Variants in TP53BP2 observed in about 807,000 individuals in gnomAD.
TP53BP2 encodes the protein apoptosis-stimulating of p53 protein 2.
In TP53BP2, 62 loss-of-function variants were observed where a neutral mutation model predicts 126.2. That is an observed-to-expected ratio of 0.49 (90% CI 0.40 to 0.61). The LOEUF (loss-of-function observed/expected upper bound fraction) is 0.61, where lower values mean the gene tolerates loss of function less well. Among genes scored for constraint, TP53BP2 ranks in the 20% least tolerant of loss-of-function variants. TP53BP2 has a pLI of 0.00. For synonymous variants in TP53BP2, 485 were observed against 502.9 expected, an observed-to-expected ratio of 0.96 and a Z score of 0.48; for missense variants, 1,215 against 1,402.8, an observed-to-expected ratio of 0.87 and a Z score of 2.14.
rs920579936 is a variant in TP53BP2 at position 223,800,570 on chromosome 1, G to A, written c.1336+130C>T. On this transcript the variant is annotated intron_variant, in intron 10 of 17. Transcript: ENST00000343537. ...CTGCACTCCAGCCTGGATGACAAGAGTGAGATCCTGTCTTTAAAAAAAACA... is the reference window on the plus strand; with the variant it reads ...CTGCACTCCAGCCTGGATGACAAGAATGAGATCCTGTCTTTAAAAAAAACA... 4.1e-5 allele frequency: 26 copies of A among 635,964 alleles called. No homozygotes were observed. In the African/African-American group the frequency reaches 4.8e-4, roughly 12 times the overall value. The allele number at this position is 635,964 out of a possible 1,614,324, so 39.4% of individuals were successfully genotyped here.
At chr1:223,811,847 G>A (rs897128254) in intron 3 of TP53BP2, among the ~76,000 whole-genome samples, 2 of 152,234 alleles carry the variant, frequency 1.3e-5, no homozygotes, top group East Asian at 1.9e-4. Flanking sequence ...TTGTGACAAC[G>A]TGAAAACAGC....
intron 1 of TP53BP2, among the ~76,000 whole-genome samples, chr1:223,824,352 T>C (rs181124053): frequency 6.5e-4 from 99 of 152,350 alleles, no homozygotes; most frequent in Non-Finnish European, 1.0e-3. Context: ...AACACTGGTA[T>C]GAACAGTAAG....
At position 223,784,216 on chromosome 1, in the gene TP53BP2, C is replaced by A; in HGVS notation, c.3262G>T (p.Asp1088Tyr). 1 of 1,614,182 alleles carries A rather than the reference C, an allele frequency of 6.2e-7. No homozygotes were observed. Among genetic ancestry groups the A allele is most frequent in the Non-Finnish European group, 8.5e-7 (1 of 1,180,030 alleles). Residue 1088 changes from aspartate to tyrosine, a missense_variant, in exon 17 of 18, where the codon GAC becomes TAC. Asp to Tyr is a radical substitution (Grantham distance 160). Around this residue, in one of 4 missense-constraint regions of TP53BP2, gnomAD observed 151 missense variants for 231.2 expected, o/e 0.65. Transcript: ENST00000343537. ...NDDELPMKEG[D>Y]CMTIIHREDE... ...TCCCTGTGGATGATTGTCATGCAGT[C>A]TCCTTCTTTCATGGGCAGCTCATCA...
At chr1:223,789,230 TGATAA>T (rs1363031735) in intron 15 of TP53BP2, 56 bp from the exon 16 acceptor site, 2 of 1,577,038 alleles carry the variant, frequency 1.3e-6, no homozygotes, top group East Asian at 2.2e-5. Context: ...TGACACCTGC[TGATAA>T]GATATCTGGA....
At chr1:223,840,252 A>G (rs1172582206) in intron 1 of TP53BP2, among the ~76,000 whole-genome samples, 1 of 152,208 alleles carries the variant, frequency 6.6e-6, no homozygotes, top group Non-Finnish European at 1.5e-5. Context: ...TTGCCCCAAT[A>G]AGACATAGAA....
At chr1:223,809,460 G>A (rs1381590543) in intron 4 of TP53BP2, among the ~76,000 whole-genome samples, 3 of 151,896 alleles carry the variant, frequency 2.0e-5, no homozygotes, top group Non-Finnish European at 4.4e-5. Context: ...CCAGCTACTC[G>A]GGAGGCTGAG....
At chr1:223,806,601 A>G (rs1291627009) in intron 5 of TP53BP2, among the ~76,000 whole-genome samples, 1 of 152,162 alleles carries the variant, frequency 6.6e-6, no homozygotes, top group African/African-American at 2.4e-5. Context: ...AAGTGGGCGG[A>G]TCACCTGAGG....
At chr1:223,816,349 G>C (rs543696097) in intron 2 of TP53BP2, among the ~76,000 whole-genome samples, 1 of 152,242 alleles carries the variant, frequency 6.6e-6, no homozygotes, top group South Asian at 2.1e-4. Flanking sequence ...GAGAAGAAAG[G>C]CTAAACACTT....
chr1:223,793,835 C>T (rs1662227404), intron 13 of TP53BP2, among the ~76,000 whole-genome samples: 1 of 152,146 alleles, frequency 6.6e-6, no homozygotes, highest in Non-Finnish European at 1.5e-5. Flanking sequence ...CAGCAAACTC[C>T]ACTCTCTTAA....
At chr1:223,839,333 A>G (rs1257246825) in intron 1 of TP53BP2, among the ~76,000 whole-genome samples, 1 of 152,206 alleles carries the variant, frequency 6.6e-6, no homozygotes, top group Non-Finnish European at 1.5e-5. Flanking sequence ...CGGGATGACC[A>G]ACCTAAATCA....
intron 6 of TP53BP2, 44 bp downstream of exon 6, chr1:223,804,130 A>G (rs1187100666): frequency 1.3e-6 from 2 of 1,573,896 alleles, no homozygotes; most frequent in Non-Finnish European, 1.7e-6. Context: ...AAAAAACCAG[A>G]CAAATAAATG....
At chr1:223,803,595 T>C (rs1662611106) in intron 6 of TP53BP2, 143 bp from the exon 7 acceptor site, 3 of 590,440 alleles carry the variant, frequency 5.1e-6, no homozygotes, top group Non-Finnish European at 5.5e-6. Context: ...CGACTTCTTT[T>C]AGAAGCAAGT....
At chr1:223,805,718 T>C (rs1483418608) in intron 5 of TP53BP2, among the ~76,000 whole-genome samples, 2 of 152,220 alleles carry the variant, frequency 1.3e-5, no homozygotes, top group African/African-American at 2.4e-5. Context: ...ACTAAAGGAC[T>C]GTTAGTTGTG....
chr1:223,831,492 T>A (rs1331081400), intron 1 of TP53BP2, among the ~76,000 whole-genome samples: 1,087 of 87,492 alleles, frequency 0.012, 43 homozygotes, highest in African/African-American at 0.063. Flanking sequence ...TATATATATA[T>A]ATATATATAT....
chr1:223,811,232 A>G (rs1472206282), intron 3 of TP53BP2, among the ~76,000 whole-genome samples: 4 of 152,182 alleles, frequency 2.6e-5, no homozygotes, highest in Admixed American at 2.6e-4. Flanking sequence ...CTAATACATT[A>G]TAAGAAGCAA....
intron 1 of TP53BP2, among the ~76,000 whole-genome samples, chr1:223,830,979 T>A (rs1663683109): frequency 1.3e-5 from 2 of 151,934 alleles, no homozygotes; most frequent in African/African-American, 4.8e-5. Context: ...GCGCCTGTAG[T>A]CCCAGCTACT....
chr1:223,800,562 T>C lies in TP53BP2; in HGVS notation c.1336+138A>G, dbSNP rs114959863. On this transcript the variant is annotated intron_variant, in intron 10 of 17. Coordinates refer to ENST00000343537, the MANE Select transcript of TP53BP2 (RefSeq NM_001031685.3). ...GCGCACCACTGCACTCCAGCCTGGA[T>C]GACAAGAGTGAGATCCTGTCTTTAA... The C allele has an allele frequency of 3.5e-3, 2,091 of 601,986 alleles. 50 individuals are homozygous for C. The African/African-American group carries it at 0.037, about 11-fold the overall frequency. 37.3% of individuals were successfully genotyped at this position (601,986 alleles called of 1,614,324 possible).
intron 1 of TP53BP2, among the ~76,000 whole-genome samples, chr1:223,841,947 C>T (rs948773276): frequency 2.7e-5 from 4 of 149,660 alleles, no homozygotes; most frequent in African/African-American, 7.4e-5. Context: ...TCGCTCTGTC[C>T]CCCAGGCTAG....
At chr1:223,845,587 G>T in intron 1 of TP53BP2, 67 bp downstream of exon 1, 2 of 1,479,998 alleles carry the variant, frequency 1.4e-6, no homozygotes, top group Non-Finnish European at 1.8e-6. Context: ...CCGAGGGCGC[G>T]GACCAGCCCC....
Sources: allele counts gnomAD v4.1 joint callset (sites outside exome capture counted in the v4.1 genomes callset), GRCh38; gene constraint gnomAD v4.1.1; regional missense constraint gnomAD v4.1.1; transcripts MANE v1.5; gene names NCBI Gene and HGNC (gene_info 2026-07-23, HGNC 2026-07-21).